TP63: variants seen among roughly 807,000 people sequenced by gnomAD.
TP63 encodes tumor protein p63.
TP63 carries 17 observed loss-of-function variants against 82.8 expected under a neutral mutation model. That is an observed-to-expected ratio of 0.21 (90% CI 0.14 to 0.31). The LOEUF (loss-of-function observed/expected upper bound fraction) is 0.31, where lower values mean the gene tolerates loss of function less well. Among genes scored for constraint, TP63 ranks in the 10% least tolerant of loss-of-function variants. TP63 has a pLI of 1.00. For synonymous variants in TP63, 330 were observed against 321.7 expected, an observed-to-expected ratio of 1.03 and a Z score of -0.28; for missense variants, 648 against 895.3, an observed-to-expected ratio of 0.72 and a Z score of 3.52.
rs370245629 is a variant in TP63 at position 189,631,610 on chromosome 3, A to G, written c.62+33A>G. On this transcript the variant is annotated intron_variant, in intron 1 of 13. Transcript: ENST00000264731. ...TGAATGTGACATAACTTCTCTCAAA[A>G]CTTAATTGAAGTGCCTTGTGTATTA... 9.3e-6 allele frequency: 15 copies of G among 1,612,170 alleles called. No homozygotes were observed. The Middle Eastern group carries it at 6.6e-4, about 71-fold the overall frequency.
chr3:189,728,136 G>A (rs915715733), intron 1 of TP63, among the ~76,000 whole-genome samples: 2 of 150,866 alleles, frequency 1.3e-5, no homozygotes, highest in African/African-American at 4.9e-5. Flanking sequence ...TGGACTTCCT[G>A]TGGGATATGA....
chr3:189,810,863 A>G (rs1016305240), intron 4 of TP63, among the ~76,000 whole-genome samples: 14 of 151,874 alleles, frequency 9.2e-5, no homozygotes, highest in African/African-American at 3.1e-4. Flanking sequence ...CGTCTCCAAA[A>G]AAAAAAAAAA....
chr3:189,807,725 G>A (rs1384058344), intron 3 of TP63, among the ~76,000 whole-genome samples: 2 of 152,170 alleles, frequency 1.3e-5, no homozygotes, highest in Admixed American at 1.3e-4. Flanking sequence ...CCAGTCCTTA[G>A]GGGGCTGGGT....
At chr3:189,794,176 A>G (rs1224680979) in intron 3 of TP63, among the ~76,000 whole-genome samples, 2 of 152,054 alleles carry the variant, frequency 1.3e-5, no homozygotes, top group Non-Finnish European at 2.9e-5. Context: ...AAAGAGAAAC[A>G]GGTTAGAAGA....
the TP63 span, among the ~76,000 whole-genome samples, chr3:189,604,334 T>C: frequency 6.6e-6 from 1 of 152,222 alleles, no homozygotes. Context: ...AAATTCTACC[T>C]ACTATTTAGC....
the TP63 span, among the ~76,000 whole-genome samples, chr3:189,612,367 A>T: frequency 6.6e-6 from 1 of 151,906 alleles, no homozygotes; most frequent in Admixed American, 6.6e-5. Context: ...TGGCTTTATC[A>T]GGGGTTTCCA....
At chr3:189,842,770 C>A (rs143569367) in intron 4 of TP63, among the ~76,000 whole-genome samples, 1 of 152,280 alleles carries the variant, frequency 6.6e-6, no homozygotes, top group African/African-American at 2.4e-5. Context: ...CTCACCCTGG[C>A]CTTTTTCTCA....
At chr3:189,698,429 A>G (rs969046477) in intron 1 of TP63, among the ~76,000 whole-genome samples, 1 of 152,070 alleles carries the variant, frequency 6.6e-6, no homozygotes, top group Non-Finnish European at 1.5e-5. Context: ...TCTCAATTAG[A>G]GGTGGCAATC....
chr3:189,719,134 C>T (rs1028007063), intron 1 of TP63, among the ~76,000 whole-genome samples: 4 of 151,902 alleles, frequency 2.6e-5, no homozygotes, highest in Non-Finnish European at 5.9e-5. Context: ...AAGCCATAGA[C>T]GCACGAAGGA....
intron 5 of TP63, among the ~76,000 whole-genome samples, chr3:189,866,474 T>C (rs1717740584): frequency 1.3e-5 from 2 of 152,188 alleles, no homozygotes; most frequent in South Asian, 4.1e-4. Flanking sequence ...AGATGTGCAT[T>C]CCAGCCCTTT....
chr3:189,624,810 A>G, the TP63 span, among the ~76,000 whole-genome samples: 1 of 152,172 alleles, frequency 6.6e-6, no homozygotes, highest in Admixed American at 6.5e-5. Context: ...ACATATTCAT[A>G]TTTTGATGTA....
chr3:189,829,714 C>T lies in TP63; in HGVS notation c.579+21188C>T, dbSNP rs544631618. On this transcript the variant is annotated intron_variant, in intron 4 of 13. Coordinates refer to ENST00000264731, the MANE Select transcript of TP63 (RefSeq NM_003722.5). The stretch of plus-strand genomic sequence containing the variant: ...CTTAAAGAAAAATAAAAATTTACTT[C>T]ACTTCTAACTATTTGGTTGGTGCAA... Among the ~76,000 whole-genome samples, 8 of 152,300 alleles carry T rather than the reference C, an allele frequency of 5.3e-5. No individual in the cohort carries two copies. In the East Asian group the frequency reaches 1.5e-3, roughly 29 times the overall value.
intron 3 of TP63, among the ~76,000 whole-genome samples, chr3:189,789,367 C>T (rs1003080718): frequency 5.9e-5 from 9 of 151,716 alleles, no homozygotes; most frequent in Admixed American, 2.6e-4. Flanking sequence ...GGTGGTGGTG[C>T]GGTTTGTTTG....
intron 4 of TP63, among the ~76,000 whole-genome samples, chr3:189,834,304 G>A (rs1281253062): frequency 6.6e-6 from 1 of 152,140 alleles, no homozygotes; most frequent in African/African-American, 2.4e-5. Context: ...TTAATGATGT[G>A]TCTTACTGGC....
intron 7 of TP63, 115 bp from the exon 8 acceptor site, chr3:189,868,465 T>C (rs1424031388): frequency 1.3e-6 from 2 of 1,492,370 alleles, no homozygotes. Context: ...CCGCCATGGC[T>C]AAGCTGGTAG....
chr3:189,729,698 A>G (rs540712795), intron 1 of TP63, among the ~76,000 whole-genome samples: 1 of 152,134 alleles, frequency 6.6e-6, no homozygotes, highest in Non-Finnish European at 1.5e-5. Context: ...AAGGAACTTC[A>G]TATTTTTCCA....
At chr3:189,859,300 A>G (rs1309874191) in intron 4 of TP63, among the ~76,000 whole-genome samples, 1 of 152,190 alleles carries the variant, frequency 6.6e-6, no homozygotes, top group Non-Finnish European at 1.5e-5. Flanking sequence ...CTGTGTTACA[A>G]AGGGGGAGAA....
the TP63 span, among the ~76,000 whole-genome samples, chr3:189,605,777 A>C: frequency 6.6e-6 from 1 of 152,212 alleles, no homozygotes; most frequent in Non-Finnish European, 1.5e-5. Flanking sequence ...GGCTAGAAAA[A>C]AAAATAAGAA....
intron 1 of TP63, chr3:189,645,313 T>C: frequency 4.0e-6 from 2 of 504,976 alleles, no homozygotes; most frequent in African/African-American, 1.9e-5. Flanking sequence ...CCTTCTTTGG[T>C]TCCTTTTCCA....
Sources: allele counts gnomAD v4.1 joint callset (sites outside exome capture counted in the v4.1 genomes callset), GRCh38; gene constraint gnomAD v4.1.1; transcripts MANE v1.5; gene names NCBI Gene and HGNC (gene_info 2026-07-23, HGNC 2026-07-21).